Variants in CLDN10 observed in about 807,000 individuals in gnomAD.
The protein encoded by CLDN10 is claudin 10, also known as claudin-10.
CLDN10 carries 15 observed loss-of-function variants against 22.9 expected under a neutral mutation model. That is an observed-to-expected ratio of 0.65 (90% confidence interval 0.44 to 1.01). The LOEUF (loss-of-function observed/expected upper bound fraction) is 1.01. CLDN10 is among the 50% of genes least tolerant of loss of function. The pLI, the probability that CLDN10 is intolerant of heterozygous loss-of-function variation, is 0.00. For synonymous variants in CLDN10, 114 were observed against 111.4 expected (o/e 1.02, Z -0.15); for missense variants, 247 against 287.8 (o/e 0.86, Z 1.03).
At chr13:95,481,709 C>A (rs969990001) in intron 1 of CLDN10, among the ~76,000 whole-genome samples, 1 of 152,166 alleles carries the variant, frequency 6.6e-6, no homozygotes, top group Admixed American at 6.5e-5. Flanking sequence ...CTTTTGGGTT[C>A]TTTCCATTAT....
chr13:95,538,413 C>T (rs964823565), intron 1 of CLDN10, among the ~76,000 whole-genome samples: 2 of 152,166 alleles, frequency 1.3e-5, no homozygotes, highest in South Asian at 2.1e-4. Flanking sequence ...GCTGAGATTA[C>T]AGGCATGAGC....
intron 1 of CLDN10, among the ~76,000 whole-genome samples, chr13:95,484,865 CAAAAAAAAAAAAAA>C (rs746231195): frequency 7.5e-5 from 7 of 93,642 alleles, no homozygotes; most frequent in Admixed American, 1.3e-4. Context: ...GACCCTGTCT[CAAAAAAAAAAAAAA>C]AAAAAAAAAA....
Position 95,578,887 on chromosome 13 carries a change from T to C in CLDN10, c.*873T>C, listed in dbSNP as rs946034505. 4 of 152,218 alleles carry C rather than the reference T, an allele frequency of 2.6e-5. No individual in the cohort carries two copies. The highest frequency in any genetic ancestry group is 9.6e-5 in the African/African-American group (4 of 41,460). The allele number at this position is 152,218 out of a possible 1,614,324, so 9.4% of individuals were successfully genotyped here. Reference sequence around the variant, plus strand: ...AAGGGCTAATGGGGCCAATATATTATTGCCTGTCATGTGGCACATCCATGT... The same window carrying C: ...AAGGGCTAATGGGGCCAATATATTACTGCCTGTCATGTGGCACATCCATGT... On this transcript the variant is annotated 3_prime_UTR_variant, in exon 5 of 5. Coordinates refer to ENST00000299339, the MANE Select transcript of CLDN10 (RefSeq NM_006984.5).
At chr13:95,486,657 C>T (rs1193205853) in intron 1 of CLDN10, among the ~76,000 whole-genome samples, 1 of 152,110 alleles carries the variant, frequency 6.6e-6, no homozygotes, top group Non-Finnish European at 1.5e-5. Context: ...AACCAGAGTA[C>T]AGTGAACCTG....
intron 3 of CLDN10, among the ~76,000 whole-genome samples, chr13:95,563,132 C>CTCTCTCTCTG (rs1359208916): frequency 2.1e-5 from 3 of 142,160 alleles, no homozygotes; most frequent in Non-Finnish European, 4.7e-5. Flanking sequence ...CTCTCTCTCT[C>CTCTCTCTCTG]TCTGTCTGTA....
intron 1 of CLDN10, among the ~76,000 whole-genome samples, chr13:95,464,010 C>T (rs934553752): frequency 6.6e-6 from 1 of 151,954 alleles, no homozygotes; most frequent in African/African-American, 2.4e-5. Context: ...TCATTTTTAA[C>T]TTGGTATTAT....
intron 1 of CLDN10, among the ~76,000 whole-genome samples, chr13:95,512,505 T>A (rs1364991852): frequency 2.0e-5 from 3 of 152,178 alleles, no homozygotes; most frequent in Non-Finnish European, 2.9e-5. Flanking sequence ...GATTGGAGAA[T>A]AGGGGGATAG....
intron 1 of CLDN10, among the ~76,000 whole-genome samples, chr13:95,455,251 G>T (rs1342949004): frequency 6.6e-6 from 1 of 151,888 alleles, no homozygotes; most frequent in African/African-American, 2.4e-5. Flanking sequence ...ATTGGCCAGT[G>T]GCCACAGGAT....
At chr13:95,502,812 T>G (rs2042999555) in intron 1 of CLDN10, among the ~76,000 whole-genome samples, 1 of 152,192 alleles carries the variant, frequency 6.6e-6, no homozygotes, top group African/African-American at 2.4e-5. Flanking sequence ...TGAGCCACTT[T>G]GCCCAACCGG....
intron 1 of CLDN10, among the ~76,000 whole-genome samples, chr13:95,534,531 G>T (rs747158727): frequency 6.6e-6 from 1 of 151,342 alleles, no homozygotes; most frequent in African/African-American, 2.4e-5. Context: ...ATATCAAACC[G>T]TTAAAAATTC....
chr13:95,478,544 C>A (rs761983045), intron 1 of CLDN10, among the ~76,000 whole-genome samples: 1 of 152,170 alleles, frequency 6.6e-6, no homozygotes, highest in Non-Finnish European at 1.5e-5. Context: ...GGTTTGAGAG[C>A]AAGACCAGGA....
chr13:95,458,535 T>C (rs986282688), intron 1 of CLDN10, among the ~76,000 whole-genome samples: 4 of 152,098 alleles, frequency 2.6e-5, no homozygotes, highest in African/African-American at 9.7e-5. Context: ...GAAGGAGAAG[T>C]GATGAGTGAA....
At chr13:95,541,295 G>C (rs1046151974) in intron 1 of CLDN10, among the ~76,000 whole-genome samples, 7 of 152,186 alleles carry the variant, frequency 4.6e-5, no homozygotes, top group Non-Finnish European at 1.0e-4. Flanking sequence ...CTAATTAAGA[G>C]GCAACTATAC....
intron 1 of CLDN10, among the ~76,000 whole-genome samples, chr13:95,445,345 G>T (rs1221787630): frequency 2.6e-5 from 4 of 152,228 alleles, no homozygotes; most frequent in Non-Finnish European, 5.9e-5. Context: ...CCTACAAAGG[G>T]ATCCAGACTT....
chr13:95,552,482 G>T (rs1326950410), upstream of CLDN10, among the ~76,000 whole-genome samples: 1 of 152,190 alleles, frequency 6.6e-6, no homozygotes, highest in South Asian at 2.1e-4. Context: ...TGGCTCAGGG[G>T]AGCGCAGGCC....
chr13:95,536,872 T>C (rs2043405933), intron 1 of CLDN10, among the ~76,000 whole-genome samples: 1 of 152,222 alleles, frequency 6.6e-6, no homozygotes, highest in African/African-American at 2.4e-5. Context: ...TCATGAAATA[T>C]AGTGCGGTAT....
At chr13:95,555,067 T>TTTTTA (rs2043617838) in intron 1 of CLDN10, among the ~76,000 whole-genome samples, 2 of 150,868 alleles carry the variant, frequency 1.3e-5, no homozygotes, top group African/African-American at 2.4e-5. Flanking sequence ...TTTTTTTTTT[T>TTTTTA]GAGACGGAGT....
intron 1 of CLDN10, among the ~76,000 whole-genome samples, chr13:95,483,896 G>A (rs1205473939): frequency 6.6e-6 from 1 of 152,170 alleles, no homozygotes; most frequent in Non-Finnish European, 1.5e-5. Context: ...GCCTTTGGGA[G>A]GTGATTAGGT....
chr13:95,467,120 G>A (rs961329325), intron 1 of CLDN10, among the ~76,000 whole-genome samples: 3 of 149,822 alleles, frequency 2.0e-5, no homozygotes, highest in Non-Finnish European at 4.4e-5. Context: ...TTCATGATCT[G>A]CCCACCTCAG....
Sources: allele counts gnomAD v4.1 joint callset (sites outside exome capture counted in the v4.1 genomes callset), GRCh38; gene constraint gnomAD v4.1.1; transcripts MANE v1.5; gene names NCBI Gene and HGNC (gene_info 2026-07-23, HGNC 2026-07-21).